The following TOR1AIP1 variants were observed in gnomAD, a reference collection of about 807,000 sequenced individuals.
TOR1AIP1 encodes the protein torsin-1A-interacting protein 1.
In TOR1AIP1, 54 loss-of-function variants were observed where a neutral mutation model predicts 63.3. That is an observed-to-expected ratio of 0.85 (90% confidence interval 0.69 to 1.07). TOR1AIP1 has a LOEUF of 1.07. Among genes scored for constraint, TOR1AIP1 ranks in the 50% least tolerant of loss-of-function variants. TOR1AIP1 has a pLI of 0.00. For synonymous variants in TOR1AIP1, 294 were observed against 273.5 expected (o/e 1.07, Z -0.74); for missense variants, 736 against 715.0 (o/e 1.03, Z -0.33).
chr1:179,894,579 T>C (rs899207247), intron 3 of TOR1AIP1, among the ~76,000 whole-genome samples: 15 of 152,020 alleles, frequency 9.9e-5, no homozygotes, highest in African/African-American at 3.4e-4. Flanking sequence ...TCCCAGCCAC[T>C]TGGGAGGCAG....
At position 179,882,803 on chromosome 1, in the gene TOR1AIP1, G is replaced by C. The variant is rs376720897; in HGVS notation, c.301G>C (p.Glu101Gln). Residue 101 changes from glutamate (E) to glutamine (Q), a missense_variant, in exon 1 of 10, where the codon GAA (glutamate) becomes CAA (glutamine). Physicochemically the swap from Glu to Gln is conservative, Grantham distance 29. This residue lies in a region of TOR1AIP1 where 464 missense variants were observed against 371.0 expected (regional missense o/e 1.25). Transcript: ENST00000606911. Reference sequence around the variant, plus strand: ...CGATTCTGCGAAAGAGGAAGTGAGAGAAAGCGCGTACTACCTTCGGTCTAG... The same window carrying C: ...CGATTCTGCGAAAGAGGAAGTGAGACAAAGCGCGTACTACCTTCGGTCTAG... ...RSDSAKEEVRESAYYLRSRQR... is the reference protein window; with the variant it reads ...RSDSAKEEVRQSAYYLRSRQR... 1 of 1,614,170 alleles carries C rather than the reference G, an allele frequency of 6.2e-7. No homozygotes were observed. Among genetic ancestry groups the C allele is most frequent in the South Asian group, 1.1e-5 (1 of 91,088 alleles).
chr1:179,901,258 G>T, intron 4 of TOR1AIP1, 44 bp from the exon 5 acceptor site: 2 of 1,288,690 alleles, frequency 1.6e-6, no homozygotes, highest in South Asian at 1.5e-5. Flanking sequence ...GATCTTCTGA[G>T]CATTAAAATA....
intron 1 of TOR1AIP1, among the ~76,000 whole-genome samples, chr1:179,883,261 C>T (rs1004415510): frequency 6.6e-6 from 1 of 152,204 alleles, no homozygotes; most frequent in Non-Finnish European, 1.5e-5. Flanking sequence ...GGAGTCAGAG[C>T]TGCCTTTTTC....
At position 179,882,419 on chromosome 1, in the gene TOR1AIP1, C is replaced by A; in HGVS notation, c.-84C>A. 1 of 1,329,598 alleles carries A rather than the reference C, an allele frequency of 7.5e-7. No individual in the cohort carries two copies. Among genetic ancestry groups the A allele is most frequent in the Non-Finnish European group, 9.8e-7 (1 of 1,022,788 alleles). The allele number at this position is 1,329,598 out of a possible 1,614,324, so 82.4% of individuals were successfully genotyped here. A position where few individuals can be genotyped will look rare whatever the true frequency, so the allele number is the denominator to read the frequency against. On this transcript the variant is annotated 5_prime_UTR_variant, in exon 1 of 10. Transcript: ENST00000606911. ...CCACAGCGGCCACCGCCCAACACCC[C>A]CGAGAAGCCATCGCCACCACCGGCA...
intron 6 of TOR1AIP1, among the ~76,000 whole-genome samples, chr1:179,905,889 G>A (rs1390456287): frequency 6.6e-6 from 1 of 152,066 alleles, no homozygotes; most frequent in Non-Finnish European, 1.5e-5. Flanking sequence ...ACAGGCAACG[G>A]CGGCAGTGAA....
rs770921282 is a variant in TOR1AIP1 at position 179,901,352 on chromosome 1, G to A, written c.703G>A (p.Val235Ile). Residue 235 changes from valine (V) to isoleucine (I), a missense_variant, in exon 5 of 10, where the codon GTT becomes ATT. By Grantham distance (29) the Val-to-Ile change is conservative. Transcript: ENST00000606911. ...QDSSHSSVTTVKARSRDSDES... is the reference protein window; with the variant it reads ...QDSSHSSVTTIKARSRDSDES... ...CAGCTCTCACAGCAGTGTCACTACT[G>A]TTAAGGCCAGATCCAGGGATTCTGA... is the stretch of plus-strand genomic sequence containing the variant. The A allele has an allele frequency of 3.1e-6, 5 of 1,609,734 alleles. No individual in the cohort carries two copies. The African/African-American group carries it at 5.3e-5, about 17-fold the overall frequency.
At position 179,918,144 on chromosome 1, in the gene TOR1AIP1, G is replaced by C; in HGVS notation, c.1657G>C (p.Asp553His). Residue 553 changes from aspartate to histidine, a missense_variant, in exon 10 of 10, where the codon GAC becomes CAC. This residue lies in a region of TOR1AIP1 where 272 missense variants were observed against 344.1 expected (regional missense o/e 0.79). Transcript: ENST00000606911. The stretch of plus-strand genomic sequence containing the variant: ...CACACCCAACTCCTACAATCATATG[G>C]ACCCAGACAAACTGAATGGCCTCTG... ...SNTPNSYNHM[D>H]PDKLNGLWSR... 1 of 1,613,670 alleles carries C rather than the reference G, an allele frequency of 6.2e-7. No homozygotes were observed. Among genetic ancestry groups the C allele is most frequent in the Non-Finnish European group, 8.5e-7 (1 of 1,180,026 alleles).
intron 5 of TOR1AIP1, among the ~76,000 whole-genome samples, 157 bp from the exon 6 acceptor site, chr1:179,903,809 T>A (rs1648539833): frequency 6.6e-6 from 1 of 152,234 alleles, no homozygotes; most frequent in Non-Finnish European, 1.5e-5. Context: ...GCACCCAGCC[T>A]AGAAATTTTT....
intron 1 of TOR1AIP1, among the ~76,000 whole-genome samples, 155 bp from the exon 2 acceptor site, chr1:179,884,537 T>C (rs779393470): frequency 7.2e-5 from 11 of 152,224 alleles, no homozygotes; most frequent in African/African-American, 1.2e-4. Context: ...CTGACTGGTA[T>C]ATTTCCTAAG....
intron 3 of TOR1AIP1, among the ~76,000 whole-genome samples, chr1:179,899,234 T>C (rs1648373381): frequency 6.8e-6 from 1 of 148,048 alleles, no homozygotes; most frequent in South Asian, 2.2e-4. Flanking sequence ...AATTGTGAAA[T>C]ACCTGCATTT....
chr1:179,897,066 A>G (rs796238250), intron 3 of TOR1AIP1, among the ~76,000 whole-genome samples: 1 of 152,204 alleles, frequency 6.6e-6, no homozygotes, highest in South Asian at 2.1e-4. Context: ...TAGTGATGGG[A>G]TCAAGATAGC....
intron 4 of TOR1AIP1, chr1:179,900,382 T>G (rs1648415758): frequency 3.1e-6 from 1 of 320,832 alleles, no homozygotes. Context: ...GTGTCTGCAC[T>G]AAGTTTGGCT....
chr1:179,900,278 C>A, intron 4 of TOR1AIP1, 111 bp downstream of exon 4: 2 of 694,022 alleles, frequency 2.9e-6, no homozygotes, highest in South Asian at 1.7e-5. Flanking sequence ...GACTGTGGCA[C>A]ATGCCTGTAG....
At chr1:179,884,633 G>A in intron 1 of TOR1AIP1, 59 bp from the exon 2 acceptor site, 1 of 1,388,900 alleles carries the variant, frequency 7.2e-7, no homozygotes, top group South Asian at 1.3e-5. Context: ...CATAATCTGT[G>A]CCATGATCTC....
At chr1:179,896,049 C>T (rs1401899940) in intron 3 of TOR1AIP1, among the ~76,000 whole-genome samples, 1 of 152,176 alleles carries the variant, frequency 6.6e-6, no homozygotes, top group African/African-American at 2.4e-5. Context: ...GTCATGGCTA[C>T]TGATTCATCA....
chr1:179,882,676 G>T lies in TOR1AIP1; in HGVS notation c.174G>T (p.Arg58Ser). 1 of 1,601,440 alleles carries T rather than the reference G, an allele frequency of 6.2e-7. No homozygotes were observed. Among genetic ancestry groups the T allele is most frequent in the Non-Finnish European group, 8.5e-7 (1 of 1,173,010 alleles). ...CGCGCCAGGGCCGGCGGGAAGTGAGGTTCTCGGACGAGCCGCCAGAAGTGT... is the reference window on the plus strand; with the variant it reads ...CGCGCCAGGGCCGGCGGGAAGTGAGTTTCTCGGACGAGCCGCCAGAAGTGT... Reference protein sequence around the residue: ...PPSRQGRREVRFSDEPPEVYG... With the variant: ...PPSRQGRREVSFSDEPPEVYG... Residue 58 changes from arginine (R) to serine (S), a missense_variant, in exon 1 of 10, where the codon AGG (arginine) becomes AGT (serine). Physicochemically the swap from Arg to Ser is moderately radical, Grantham distance 110 (BLOSUM62 -1). This residue lies in a region of TOR1AIP1 where 464 missense variants were observed against 371.0 expected (regional missense o/e 1.25). Transcript: ENST00000606911.
chr1:179,918,210 A>G lies in TOR1AIP1; in HGVS notation c.1723A>G (p.Asn575Asp), dbSNP rs1285584458. The G allele has an allele frequency of 6.2e-7, 1 of 1,603,940 alleles. No individual in the cohort carries two copies. The highest frequency in any genetic ancestry group is 1.7e-5 in the Admixed American group (1 of 58,914). Residue 575 changes from asparagine to aspartate, a missense_variant, in exon 10 of 10, where the codon AAT (asparagine) becomes GAT (aspartate). Transcript: ENST00000606911. Reference sequence around the variant, plus strand: ...CTTAGTTCTGCCTGTGCAACCTGAAAATGCCCTGAAAAGGGGCATCTGCTT... The same window carrying G: ...CTTAGTTCTGCCTGTGCAACCTGAAGATGCCCTGAAAAGGGGCATCTGCTT... The part of the protein sequence containing the change: ...SHLVLPVQPE[N>D]ALKRGICL
Position 179,918,379 on chromosome 1 carries a change from A to G in TOR1AIP1, c.*140A>G, listed in dbSNP as rs1314238280. The G allele has an allele frequency of 4.0e-6, 3 of 758,486 alleles. No individual in the cohort carries two copies. Among genetic ancestry groups the G allele is most frequent in the Non-Finnish European group, 6.2e-6 (3 of 485,300 alleles). The allele number at this position is 758,486 out of a possible 1,614,324, so 47.0% of individuals were successfully genotyped here. A position where few individuals can be genotyped will look rare whatever the true frequency, so the allele number is the denominator to read the frequency against. ...AAGTGCTTACATAAACATGGAACAT[A>G]TAAATCATTCATTCAACCTAATTAT... On this transcript the variant is annotated 3_prime_UTR_variant, in exon 10 of 10. Transcript: ENST00000606911.
intron 6 of TOR1AIP1, among the ~76,000 whole-genome samples, chr1:179,906,682 A>G (rs1248917536): frequency 6.6e-6 from 1 of 150,708 alleles, no homozygotes; most frequent in Admixed American, 6.6e-5. Flanking sequence ...TTTGTATCTC[A>G]GCCCAACTAC....
Sources: gnomAD v4.1 joint callset for allele counts (sites outside exome capture counted in the v4.1 genomes callset) on GRCh38, gnomAD v4.1.1 for gene constraint, gnomAD v4.1.1 regional missense constraint, MANE v1.5 for transcripts, NCBI Gene and HGNC (gene_info 2026-07-23, HGNC 2026-07-21) for gene names.